Variants in NTRK3 observed in about 807,000 individuals in gnomAD.
The protein encoded by NTRK3 is neurotrophic receptor tyrosine kinase 3.
A neutral mutation model predicts 91.7 loss-of-function variants in NTRK3; 24 were observed. The ratio of observed to expected loss-of-function variants is 0.26; its 90% CI spans 0.19 to 0.37. The LOEUF is 0.37. Ranked by LOEUF, NTRK3 falls within the 10% of genes least tolerant of loss-of-function variation. The pLI is 1.00. For missense variants in NTRK3, 880 were observed against 1,068.9 expected (o/e 0.82, Z 2.46); for synonymous variants, 483 against 404.0 (o/e 1.20, Z -2.34).
chr15:88,117,638 T>G (rs2052242848), intron 13 of NTRK3, among the ~76,000 whole-genome samples: 1 of 152,190 alleles, frequency 6.6e-6, no homozygotes, highest in African/African-American at 2.4e-5. Flanking sequence ...ATTCTAATCT[T>G]TTTTGAACAT....
At chr15:88,174,442 C>T (rs1168719290) in intron 5 of NTRK3, among the ~76,000 whole-genome samples, 2 of 152,172 alleles carry the variant, frequency 1.3e-5, no homozygotes, top group African/African-American at 2.4e-5. Flanking sequence ...CCAGCATCTT[C>T]CCTCCTGGCC....
chr15:88,064,208 T>C (rs902826986), intron 13 of NTRK3, among the ~76,000 whole-genome samples: 4 of 152,236 alleles, frequency 2.6e-5, no homozygotes, highest in Non-Finnish European at 5.9e-5. Context: ...TAAAAAGCCT[T>C]TGGCAGGAGC....
chr15:88,009,007 AT>A (rs1352007929), intron 14 of NTRK3, among the ~76,000 whole-genome samples: 5 of 152,130 alleles, frequency 3.3e-5, no homozygotes, highest in Non-Finnish European at 7.3e-5. Flanking sequence ...CAGATTCCTG[AT>A]TTTGTTTTCT....
At chr15:88,075,472 G>A (rs1472940739) in intron 13 of NTRK3, among the ~76,000 whole-genome samples, 1 of 152,166 alleles carries the variant, frequency 6.6e-6, no homozygotes, top group Non-Finnish European at 1.5e-5. Flanking sequence ...CGCCCTGAAA[G>A]GAACCTCAGG....
At chr15:88,152,367 G>T (rs1048196048) in intron 5 of NTRK3, among the ~76,000 whole-genome samples, 2 of 152,110 alleles carry the variant, frequency 1.3e-5, no homozygotes, top group African/African-American at 4.8e-5. Context: ...TTTGGAGATG[G>T]GATTTTTAAA....
intron 7 of NTRK3, 78 bp from the exon 8 acceptor site, chr15:88,136,687 G>A (rs2041908693): frequency 6.5e-7 from 1 of 1,540,072 alleles, no homozygotes; most frequent in Non-Finnish European, 8.8e-7. Context: ...GGGGCTGATG[G>A]TGGCACTTCT....
chr15:88,232,440 G>A (rs1403552871), intron 3 of NTRK3, among the ~76,000 whole-genome samples: 5 of 152,232 alleles, frequency 3.3e-5, no homozygotes, highest in Non-Finnish European at 7.3e-5. Flanking sequence ...AGGAAGTGAA[G>A]TGGATTGAAT....
At chr15:88,092,196 G>C (rs1034234793) in intron 13 of NTRK3, among the ~76,000 whole-genome samples, 1 of 152,156 alleles carries the variant, frequency 6.6e-6, no homozygotes, top group African/African-American at 2.4e-5. Context: ...CCAGCAATCA[G>C]AGCTGGCACA....
chr15:88,083,919 A>T (rs561659605), intron 13 of NTRK3, among the ~76,000 whole-genome samples: 4 of 152,050 alleles, frequency 2.6e-5, no homozygotes, highest in Non-Finnish European at 5.9e-5. Flanking sequence ...ACAGCCTCCA[A>T]TTCTGTCCCA....
chr15:88,164,017 C>T (rs2044704595), intron 5 of NTRK3, among the ~76,000 whole-genome samples: 1 of 152,204 alleles, frequency 6.6e-6, no homozygotes. Flanking sequence ...CTCATGCAAT[C>T]ATTCAACACT....
exon 10 of NTRK3, chr15:88,135,130 T>G: frequency 6.2e-7 from 1 of 1,614,234 alleles, no homozygotes; most frequent in South Asian, 1.1e-5. Context: ...GAAGTGGCCA[T>G]TGATGGTCTG....
intron 5 of NTRK3, among the ~76,000 whole-genome samples, chr15:88,180,541 A>G (rs914294276): frequency 6.6e-6 from 1 of 152,190 alleles, no homozygotes; most frequent in African/African-American, 2.4e-5. Context: ...GATTAACGCA[A>G]CAGTAGCTTA....
At chr15:88,142,801 A>G (rs2042514969) in intron 6 of NTRK3, among the ~76,000 whole-genome samples, 1 of 152,248 alleles carries the variant, frequency 6.6e-6, no homozygotes, top group African/African-American at 2.4e-5. Context: ...TCCAAACCCT[A>G]GTATCTGTGA....
exon 19 of NTRK3, chr15:87,863,996 C>T (rs938394129): frequency 2.6e-5 from 5 of 193,986 alleles, no homozygotes; most frequent in African/African-American, 7.2e-5. Context: ...CACACACATA[C>T]ACACACACAC....
At chr15:88,097,726 A>G (rs1364862806) in intron 13 of NTRK3, among the ~76,000 whole-genome samples, 2 of 152,258 alleles carry the variant, frequency 1.3e-5, no homozygotes, top group African/African-American at 4.8e-5. Flanking sequence ...AACGATGGTT[A>G]TAATGATTAC....
chr15:87,874,885 C>A (rs1287182040), exon 19 of NTRK3: 10 of 232,120 alleles, frequency 4.3e-5, no homozygotes, highest in Non-Finnish European at 7.7e-5. Flanking sequence ...CTGCAAAGTC[C>A]TCAGGGGCTA....
intron 13 of NTRK3, among the ~76,000 whole-genome samples, chr15:88,086,406 G>A (rs549581237): frequency 6.6e-6 from 1 of 151,960 alleles, no homozygotes; most frequent in Admixed American, 6.6e-5. Flanking sequence ...GCAAAAAAAA[G>A]ATTTAAAACA....
intron 14 of NTRK3, among the ~76,000 whole-genome samples, chr15:87,993,154 C>T (rs1567198591): frequency 6.6e-6 from 1 of 152,206 alleles, no homozygotes; most frequent in African/African-American, 2.4e-5. Context: ...ATCTTCAAGT[C>T]CCAACTGCTA....
chr15:88,041,750 G>T (rs1415301225), intron 13 of NTRK3, among the ~76,000 whole-genome samples: 1 of 143,272 alleles, frequency 7.0e-6, no homozygotes, highest in South Asian at 2.3e-4. Flanking sequence ...TTTACCAATG[G>T]TACTTTAATT....
Sources: gnomAD v4.1 joint callset for allele counts (sites outside exome capture counted in the v4.1 genomes callset) on GRCh38, gnomAD v4.1.1 for gene constraint, MANE v1.5 for transcripts, NCBI Gene and HGNC (gene_info 2026-07-23, HGNC 2026-07-21) for gene names.